The following GRIA1 variants were observed in gnomAD, a reference collection of about 807,000 sequenced individuals.
GRIA1 encodes glutamate receptor 1.
Under a neutral mutation model 99.2 loss-of-function variants are expected in GRIA1, and 31 were observed. The observed-to-expected ratio is 0.31, with a 90% CI of 0.23 to 0.42. GRIA1 has a LOEUF of 0.42. Among genes scored for constraint, GRIA1 ranks in the 10% least tolerant of loss-of-function variants. GRIA1 has a pLI of 1.00. For synonymous variants in GRIA1, 438 were observed against 432.4 expected (o/e 1.01, Z -0.16); for missense variants, 782 against 1,157.5 (o/e 0.68, Z 4.71).
chr5:153,631,686 A>G (rs1461686474), intron 2 of GRIA1, among the ~76,000 whole-genome samples: 1 of 152,182 alleles, frequency 6.6e-6, no homozygotes, highest in East Asian at 1.9e-4. Context: ...TGTGCTTCAC[A>G]GTGTTTTAAG....
At chr5:153,783,440 T>A (rs913157978) in intron 13 of GRIA1, among the ~76,000 whole-genome samples, 1 of 152,214 alleles carries the variant, frequency 6.6e-6, no homozygotes, top group Non-Finnish European at 1.5e-5. Flanking sequence ...AAATGAACTG[T>A]TGACACCTGC....
intron 2 of GRIA1, among the ~76,000 whole-genome samples, chr5:153,498,004 T>G (rs1183093408): frequency 4.6e-5 from 7 of 152,332 alleles, no homozygotes; most frequent in Admixed American, 2.0e-4. Context: ...GTTATCTATC[T>G]GCAGAAGGGG....
chr5:153,747,978 G>A (rs1191098485), intron 11 of GRIA1, among the ~76,000 whole-genome samples: 2 of 152,350 alleles, frequency 1.3e-5, no homozygotes, highest in Non-Finnish European at 2.9e-5. Context: ...CATTTATTCA[G>A]TGTATGTTCA....
chr5:153,711,648 T>A (rs1759322283), intron 11 of GRIA1, among the ~76,000 whole-genome samples: 1 of 152,154 alleles, frequency 6.6e-6, no homozygotes, highest in South Asian at 2.1e-4. Context: ...GGCTGATTGG[T>A]GCCCAGTCCA....
chr5:153,643,362 A>G (rs540778553), intron 2 of GRIA1, among the ~76,000 whole-genome samples: 1 of 152,346 alleles, frequency 6.6e-6, no homozygotes, highest in Admixed American at 6.5e-5. Context: ...AACCAAAAAG[A>G]GAATCGTCCA....
intron 14 of GRIA1, among the ~76,000 whole-genome samples, chr5:153,798,660 G>A (rs1193525181): frequency 6.6e-6 from 1 of 152,154 alleles, no homozygotes; most frequent in Non-Finnish European, 1.5e-5. Context: ...CTGGTCTGAC[G>A]GCCAAAAGCC....
At chr5:153,784,417 A>G (rs992694722) in intron 13 of GRIA1, among the ~76,000 whole-genome samples, 1 of 152,112 alleles carries the variant, frequency 6.6e-6, no homozygotes, top group Non-Finnish European at 1.5e-5. Context: ...AAAAAAAATT[A>G]ATTTGTGTCA....
chr5:153,671,333 T>C (rs952522015), intron 5 of GRIA1, among the ~76,000 whole-genome samples: 2 of 152,242 alleles, frequency 1.3e-5, no homozygotes, highest in African/African-American at 2.4e-5. Context: ...GGAGATACTT[T>C]CCATTTCAAT....
intron 2 of GRIA1, among the ~76,000 whole-genome samples, chr5:153,615,011 T>C (rs941380610): frequency 9.2e-5 from 14 of 152,334 alleles, no homozygotes; most frequent in Admixed American, 9.1e-4. Context: ...TCTTATGCTA[T>C]GGATAACATT....
intron 2 of GRIA1, among the ~76,000 whole-genome samples, chr5:153,513,316 C>G (rs1422714368): frequency 2.6e-5 from 4 of 152,024 alleles, no homozygotes; most frequent in African/African-American, 9.7e-5. Flanking sequence ...GGCCCTGTGC[C>G]CAGCCTCCTT....
At chr5:153,731,351 C>A (rs1046803109) in intron 11 of GRIA1, among the ~76,000 whole-genome samples, 1 of 151,924 alleles carries the variant, frequency 6.6e-6, no homozygotes, top group African/African-American at 2.4e-5. Context: ...CCTGGAGAGT[C>A]TATTCCATGC....
intron 8 of GRIA1, among the ~76,000 whole-genome samples, chr5:153,689,145 C>A (rs1197681302): frequency 6.6e-6 from 1 of 152,112 alleles, no homozygotes. Flanking sequence ...CCACCCACCT[C>A]GGCCTCCCAA....
At chr5:153,533,598 T>G (rs1758282768) in intron 2 of GRIA1, among the ~76,000 whole-genome samples, 1 of 152,282 alleles carries the variant, frequency 6.6e-6, no homozygotes, top group Non-Finnish European at 1.5e-5. Context: ...TCATTTAAAA[T>G]GTTGTGAAAG....
At chr5:153,754,590 C>T (rs956289387) in intron 11 of GRIA1, among the ~76,000 whole-genome samples, 2 of 152,166 alleles carry the variant, frequency 1.3e-5, no homozygotes, top group African/African-American at 4.8e-5. Context: ...GATAGCTTCG[C>T]TGGGTTCTTC....
intron 13 of GRIA1, among the ~76,000 whole-genome samples, chr5:153,777,589 A>G (rs1205672362): frequency 6.6e-6 from 1 of 151,990 alleles, no homozygotes; most frequent in African/African-American, 2.4e-5. Flanking sequence ...CTCCCATTAG[A>G]CCTACTAAAA....
At chr5:153,491,900 T>C (rs1392503440) in intron 1 of GRIA1, among the ~76,000 whole-genome samples, 1 of 152,170 alleles carries the variant, frequency 6.6e-6, no homozygotes, top group Non-Finnish European at 1.5e-5. Flanking sequence ...CTGACAGATA[T>C]TGCTACTCCT....
intron 11 of GRIA1, among the ~76,000 whole-genome samples, chr5:153,713,778 A>G (rs1179173837): frequency 6.6e-6 from 1 of 152,236 alleles, no homozygotes; most frequent in African/African-American, 2.4e-5. Context: ...CTCCAAAATT[A>G]CAATAGGAAA....
In GRIA1 at chr5:153,677,059, G is replaced by A; in HGVS notation, c.927G>A (p.Arg309=). 6.3e-7 allele frequency: 1 copy of A among 1,582,980 alleles called. No homozygotes were observed. The highest frequency in any genetic ancestry group is 8.6e-7 in the Non-Finnish European group (1 of 1,161,666). ...CTGAGGCTTTCCAGAGCCTGCGGAG[G>A]CAGAGAATTGATATATCTCGCCGGG... is the stretch of plus-strand genomic sequence containing the variant. ...VMAEAFQSLR[R]QRIDISRRGN... The change falls in exon 7 of 16, where the codon AGG becomes AGA. Residue 309 remains arginine, a synonymous_variant. Transcript: ENST00000285900.
chr5:153,801,069 A>G (rs1049577943), intron 14 of GRIA1, among the ~76,000 whole-genome samples: 4 of 152,290 alleles, frequency 2.6e-5, no homozygotes, highest in Admixed American at 2.6e-4. Flanking sequence ...CATGACATCT[A>G]GGAATGAGTA....
Sources: allele counts gnomAD v4.1 joint callset (sites outside exome capture counted in the v4.1 genomes callset), GRCh38; gene constraint gnomAD v4.1.1; transcripts MANE v1.5; gene names NCBI Gene and HGNC (gene_info 2026-07-23, HGNC 2026-07-21).